The following RBPMS variants were observed in gnomAD, a reference collection of about 807,000 sequenced individuals.
RBPMS encodes the protein RNA-binding protein with multiple splicing.
Under a neutral mutation model 26.8 loss-of-function variants are expected in RBPMS, and 7 were observed. The ratio of observed to expected loss-of-function variants is 0.26; its 90% CI spans 0.15 to 0.49. The LOEUF (loss-of-function observed/expected upper bound fraction) is 0.49, where lower values mean the gene tolerates loss of function less well. Ranked by LOEUF, RBPMS falls within the 20% of genes least tolerant of loss-of-function variation. RBPMS has a pLI of 0.98. For missense variants in RBPMS, 186 were observed against 250.0 expected (o/e 0.74, Z 1.73); for synonymous variants, 96 against 93.3 (o/e 1.03, Z -0.17).
At chr8:30,570,066 T>C (rs1266510580) in intron 8 of RBPMS, among the ~76,000 whole-genome samples, 2 of 152,174 alleles carry the variant, frequency 1.3e-5, no homozygotes, top group Non-Finnish European at 2.9e-5. Flanking sequence ...ATTGGACAGA[T>C]TTGGTGTGAA....
At chr8:30,506,052 C>T (rs1481206074) in intron 5 of RBPMS, among the ~76,000 whole-genome samples, 1 of 152,066 alleles carries the variant, frequency 6.6e-6, no homozygotes, top group Admixed American at 6.5e-5. Context: ...AACAGGACCA[C>T]GAAACTTTTT....
At chr8:30,418,102 A>G (rs1419525131) in intron 1 of RBPMS, among the ~76,000 whole-genome samples, 1 of 152,210 alleles carries the variant, frequency 6.6e-6, no homozygotes, top group African/African-American at 2.4e-5. Flanking sequence ...TAATATTGAG[A>G]TTCCTAGAAA....
intron 5 of RBPMS, among the ~76,000 whole-genome samples, chr8:30,538,975 G>A (rs375072623): frequency 1.3e-4 from 20 of 152,278 alleles, no homozygotes; most frequent in African/African-American, 4.1e-4. Flanking sequence ...TCCTGATGGC[G>A]GAAGAGCATG....
chr8:30,446,358 G>A (rs929855533), intron 1 of RBPMS, among the ~76,000 whole-genome samples: 6 of 152,142 alleles, frequency 3.9e-5, no homozygotes, highest in Non-Finnish European at 7.4e-5. Flanking sequence ...AGGCTGTTCT[G>A]TTTCAAACTT....
At chr8:30,489,368 C>G (rs1819130470) in intron 4 of RBPMS, among the ~76,000 whole-genome samples, 2 of 152,146 alleles carry the variant, frequency 1.3e-5, no homozygotes, top group Non-Finnish European at 2.9e-5. Flanking sequence ...TTTAAAGCTA[C>G]TGGCATTCAG....
intron 1 of RBPMS, among the ~76,000 whole-genome samples, chr8:30,457,168 G>A (rs1026439310): frequency 5.3e-5 from 8 of 152,300 alleles, no homozygotes; most frequent in Middle Eastern, 3.4e-3. Flanking sequence ...CCCAGGTTCT[G>A]ACAGTTTTGA....
chr8:30,537,540 AAT>A, intron 5 of RBPMS: 1 of 454,650 alleles, frequency 2.2e-6, no homozygotes, highest in Non-Finnish European at 4.4e-6. Flanking sequence ...AGACATAGAG[AAT>A]ATGTCTTTAC....
intron 6 of RBPMS, chr8:30,547,458 A>G: frequency 6.3e-7 from 1 of 1,575,838 alleles, no homozygotes; most frequent in Non-Finnish European, 8.6e-7. Context: ...CCTTTCACAA[A>G]AACTATTTCT....
At chr8:30,568,202 G>C (rs1034619586) in intron 8 of RBPMS, among the ~76,000 whole-genome samples, 5 of 152,214 alleles carry the variant, frequency 3.3e-5, no homozygotes, top group Non-Finnish European at 7.3e-5. Context: ...TTTGCCACAT[G>C]ATGGCCCATG....
At chr8:30,453,689 T>G (rs1814873752) in intron 1 of RBPMS, 1 of 152,178 alleles carries the variant, frequency 6.6e-6, no homozygotes, top group African/African-American at 2.4e-5. Context: ...CTGTGTGAGA[T>G]TCACTCACGG....
chr8:30,423,830 T>G (rs112830443), intron 1 of RBPMS, among the ~76,000 whole-genome samples: 1 of 151,100 alleles, frequency 6.6e-6, no homozygotes, highest in African/African-American at 2.4e-5. Flanking sequence ...TTTTGTTTTT[T>G]TTGTTGTTGT....
rs141060794 is a variant in RBPMS, at chr8:30,426,164, T to C, written c.66+41006T>C. ...GGATTTTGACAGATGCTGGAGATGC[T>C]GGCTCAATGTTCATGTCCCACCAGG... On this transcript the variant is annotated intron_variant, in intron 1 of 8. Transcript: ENST00000397323. Among the ~76,000 whole-genome samples the C allele has an allele frequency of 4.4e-4, 67 of 152,344 alleles. No homozygotes were observed. In the South Asian group the frequency reaches 5.8e-3, roughly 13 times the overall value.
intron 1 of RBPMS, among the ~76,000 whole-genome samples, chr8:30,415,274 C>G (rs1403319369): frequency 6.6e-6 from 1 of 152,190 alleles, no homozygotes; most frequent in South Asian, 2.1e-4. Flanking sequence ...TACCTTTACC[C>G]TGCTGCTGTC....
At chr8:30,549,245 T>C (rs974264093) in intron 6 of RBPMS, among the ~76,000 whole-genome samples, 3 of 152,156 alleles carry the variant, frequency 2.0e-5, no homozygotes, top group East Asian at 3.9e-4. Context: ...GAGATTCCCA[T>C]TGCTTGCTTC....
intron 1 of RBPMS, among the ~76,000 whole-genome samples, chr8:30,413,307 G>T (rs906696420): frequency 9.2e-5 from 14 of 152,244 alleles, no homozygotes; most frequent in African/African-American, 3.4e-4. Flanking sequence ...CTGGCCTCAA[G>T]CAATCCTCCC....
intron 3 of RBPMS, among the ~76,000 whole-genome samples, chr8:30,478,734 G>A (rs1020191758): frequency 2.0e-5 from 3 of 152,130 alleles, no homozygotes; most frequent in Admixed American, 2.0e-4. Flanking sequence ...TCTTGACCTC[G>A]TGATCCGCCC....
chr8:30,437,212 C>T (rs1045861320), intron 1 of RBPMS, among the ~76,000 whole-genome samples: 10 of 151,524 alleles, frequency 6.6e-5, no homozygotes, highest in African/African-American at 1.2e-4. Flanking sequence ...TGAGCCACCG[C>T]GCCCAGCCGA....
intron 5 of RBPMS, among the ~76,000 whole-genome samples, chr8:30,508,074 T>C (rs1821238933): frequency 6.6e-6 from 1 of 152,138 alleles, no homozygotes; most frequent in South Asian, 2.1e-4. Flanking sequence ...AAGAGATGAT[T>C]AAGTTCAAAT....
intron 4 of RBPMS, among the ~76,000 whole-genome samples, chr8:30,492,624 GATT>G (rs1190612605): frequency 3.3e-5 from 5 of 152,008 alleles, no homozygotes; most frequent in African/African-American, 4.8e-5. Flanking sequence ...GAATGAAAGT[GATT>G]CTCTCAATTT....
Sources: allele counts gnomAD v4.1 joint callset (sites outside exome capture counted in the v4.1 genomes callset), GRCh38; gene constraint gnomAD v4.1.1; transcripts MANE v1.5; gene names NCBI Gene and HGNC (gene_info 2026-07-23, HGNC 2026-07-21).